Variants in PDE4B observed in about 807,000 individuals in gnomAD.
The protein encoded by PDE4B is phosphodiesterase 4B.
A neutral mutation model predicts 82.2 loss-of-function variants in PDE4B; 20 were observed. The ratio of observed to expected loss-of-function variants is 0.24; its 90% CI spans 0.17 to 0.35. The LOEUF is 0.35. Among genes scored for constraint, PDE4B ranks in the 10% least tolerant of loss-of-function variants. PDE4B has a pLI of 1.00. For synonymous variants in PDE4B, 320 were observed against 318.9 expected (o/e 1.00, Z -0.04); for missense variants, 655 against 907.2 (o/e 0.72, Z 3.57).
intron 3 of PDE4B, among the ~76,000 whole-genome samples, chr1:65,930,934 A>G (rs1647796318): frequency 6.6e-6 from 1 of 152,074 alleles, no homozygotes; most frequent in African/African-American, 2.4e-5. Context: ...ATGTGGTTTG[A>G]ATCTGTGTCC....
At chr1:66,153,895 G>A (rs2503166) in intron 3 of PDE4B, among the ~76,000 whole-genome samples, 102,626 of 152,020 alleles carry the variant, frequency 0.68, 34,996 homozygotes, top group Middle Eastern at 0.7. Context: ...AAGGAGGTTC[G>A]CTGATCCAAA....
intron 7 of PDE4B, among the ~76,000 whole-genome samples, chr1:66,273,437 C>T (rs1346424468): frequency 6.6e-6 from 1 of 152,236 alleles, no homozygotes; most frequent in African/African-American, 2.4e-5. Flanking sequence ...AATATATAGT[C>T]TCAATTCAGG....
chr1:66,038,739 G>A (rs183813863), intron 3 of PDE4B, among the ~76,000 whole-genome samples: 1 of 152,182 alleles, frequency 6.6e-6, no homozygotes, highest in Non-Finnish European at 1.5e-5. Flanking sequence ...TTTAAGAATG[G>A]TGGCAATAGA....
intron 3 of PDE4B, among the ~76,000 whole-genome samples, chr1:66,180,774 T>C: frequency 6.6e-6 from 1 of 152,156 alleles, no homozygotes; most frequent in East Asian, 1.9e-4. Context: ...TGATCAGATG[T>C]GGAAGGCAAG....
chr1:66,130,617 C>T (rs757707781), intron 3 of PDE4B, among the ~76,000 whole-genome samples: 4 of 152,166 alleles, frequency 2.6e-5, no homozygotes, highest in Admixed American at 1.3e-4. Context: ...AGATAGACAC[C>T]TCACCCAGAA....
intron 3 of PDE4B, among the ~76,000 whole-genome samples, chr1:66,029,511 CT>C (rs1653640532): frequency 6.6e-6 from 1 of 152,028 alleles, no homozygotes; most frequent in African/African-American, 2.4e-5. Flanking sequence ...TTACAGCAAA[CT>C]TTTTCAATTT....
At chr1:66,162,796 C>T (rs1646643801) in intron 3 of PDE4B, among the ~76,000 whole-genome samples, 1 of 152,068 alleles carries the variant, frequency 6.6e-6, no homozygotes, top group African/African-American at 2.4e-5. Flanking sequence ...TGCTTCTGGT[C>T]ATAGTGTATG....
intron 1 of PDE4B, among the ~76,000 whole-genome samples, chr1:65,896,184 G>T (rs1379723814): frequency 2.0e-5 from 3 of 152,012 alleles, no homozygotes; most frequent in Non-Finnish European, 4.4e-5. Context: ...AAAGAAAGAG[G>T]TTTAATTGGC....
chr1:66,003,723 C>G (rs191795847), intron 3 of PDE4B, among the ~76,000 whole-genome samples: 67 of 152,296 alleles, frequency 4.4e-4, no homozygotes, highest in African/African-American at 1.6e-3. Context: ...ATCTCACCAT[C>G]AGGATTCTTT....
rs541717607 is a variant in PDE4B at position 66,087,150 on chromosome 1, G to T, written c.282-160310G>T. Among the ~76,000 whole-genome samples, 8 of 152,236 alleles carry T rather than the reference G, an allele frequency of 5.3e-5. No homozygotes were observed. The South Asian group carries it at 1.7e-3, about 32-fold the overall frequency. On this transcript the variant is annotated intron_variant, in intron 3 of 16. Transcript: ENST00000341517. ...TGTGAAGTTCCTTATGTTCTATACA[G>T]TTGGGCTTGGTCTTTCTCCTATGGG...
At chr1:66,256,334 T>G (rs1480635497) in intron 4 of PDE4B, among the ~76,000 whole-genome samples, 3 of 152,202 alleles carry the variant, frequency 2.0e-5, no homozygotes, top group African/African-American at 7.2e-5. Context: ...TGGATCGATG[T>G]CATTTATATA....
intron 3 of PDE4B, among the ~76,000 whole-genome samples, chr1:66,033,714 G>GT (rs1653919983): frequency 7.3e-6 from 1 of 137,440 alleles, no homozygotes; most frequent in Admixed American, 7.3e-5. Context: ...GCACCAAATT[G>GT]AAAAAAAAAA....
chr1:65,816,479 T>A (rs773918676), intron 1 of PDE4B, among the ~76,000 whole-genome samples: 26 of 152,146 alleles, frequency 1.7e-4, no homozygotes, highest in Non-Finnish European at 2.9e-5. Flanking sequence ...TATAAATTGG[T>A]ACAATTTTCC....
intron 1 of PDE4B, among the ~76,000 whole-genome samples, chr1:65,868,885 G>A (rs1291347121): frequency 6.6e-6 from 1 of 152,172 alleles, no homozygotes; most frequent in African/African-American, 2.4e-5. Flanking sequence ...AATGCCTGAT[G>A]ATCTGATGTG....
At position 66,368,949 on chromosome 1, in the gene PDE4B, G is replaced by T; in HGVS notation, c.1825G>T (p.Ala609Ser). 1 of 1,606,952 alleles carries T rather than the reference G, an allele frequency of 6.2e-7. No individual in the cohort carries two copies. Among genetic ancestry groups the T allele is most frequent in the Non-Finnish European group, 8.5e-7 (1 of 1,176,718 alleles). ...EISPMCDKHT[A>S]SVEKSQVGFI... ...TAGCCCAATGTGTGATAAACACACA[G>T]CTTCTGTGGAAAAATCCCAGGTATC... Residue 609 changes from alanine to serine, a missense_variant, in exon 16 of 17, where the codon GCT becomes TCT. Physicochemically the swap from Ala to Ser is moderately conservative, Grantham distance 99. This residue lies in a region of PDE4B where 283 missense variants were observed against 516.4 expected (regional missense o/e 0.55). Transcript: ENST00000341517.
chr1:66,260,352 G>A (rs980107130), intron 6 of PDE4B, among the ~76,000 whole-genome samples: 2 of 152,168 alleles, frequency 1.3e-5, no homozygotes, highest in African/African-American at 4.8e-5. Flanking sequence ...TGGGTTATAG[G>A]AAGAAGTCCC....
chr1:66,077,040 T>A (rs560527477), intron 3 of PDE4B, among the ~76,000 whole-genome samples: 30 of 152,288 alleles, frequency 2.0e-4, no homozygotes, highest in African/African-American at 6.7e-4. Context: ...TGTTAATTTT[T>A]GTTTTTGCTG....
chr1:66,155,279 C>T (rs1186713627), intron 3 of PDE4B, among the ~76,000 whole-genome samples: 2 of 151,918 alleles, frequency 1.3e-5, no homozygotes, highest in African/African-American at 2.4e-5. Flanking sequence ...ATTCCATTTT[C>T]CTCTTGCTCC....
intron 1 of PDE4B, among the ~76,000 whole-genome samples, chr1:65,796,393 G>A (rs563887142): frequency 6.3e-5 from 9 of 143,192 alleles, no homozygotes; most frequent in Admixed American, 2.8e-4. Context: ...ACAAGACCCC[G>A]AGGCTTGGTT....
Sources: gnomAD v4.1 joint callset for allele counts (sites outside exome capture counted in the v4.1 genomes callset) on GRCh38, gnomAD v4.1.1 for gene constraint, gnomAD v4.1.1 regional missense constraint, MANE v1.5 for transcripts, NCBI Gene and HGNC (gene_info 2026-07-23, HGNC 2026-07-21) for gene names.